PDE10A: variants seen among roughly 807,000 people sequenced by gnomAD.
PDE10A encodes the protein phosphodiesterase 10A, also known as cAMP and cAMP-inhibited cGMP 3',5'-cyclic phosphodiesterase 10A.
Under a neutral mutation model 97.7 loss-of-function variants are expected in PDE10A, and 39 were observed. The observed-to-expected ratio is 0.40, with a 90% CI of 0.31 to 0.52. The LOEUF (loss-of-function observed/expected upper bound fraction) is 0.52. Among genes scored for constraint, PDE10A ranks in the 20% least tolerant of loss-of-function variants. The pLI is 0.56. For missense variants in PDE10A, 731 were observed against 1,047.8 expected (o/e 0.70, Z 4.17); for synonymous variants, 371 against 376.8 (o/e 0.98, Z 0.18).
chr6:165,888,827 C>G (rs1293579652), intron 1 of PDE10A, among the ~76,000 whole-genome samples: 1 of 152,146 alleles, frequency 6.6e-6, no homozygotes, highest in Non-Finnish European at 1.5e-5. Context: ...GAGGAATTCA[C>G]TAGTTGAGTA....
intron 5 of PDE10A, among the ~76,000 whole-genome samples, chr6:165,448,709 A>AACACACACACAC (rs10645551): frequency 1.1e-3 from 161 of 147,488 alleles, no homozygotes; most frequent in African/African-American, 3.7e-3. Flanking sequence ...AGCCAAAGGA[A>AACACACACACAC]ACACACACAC....
chr6:165,418,537 G>A lies in PDE10A; in HGVS notation c.1796+98C>T. ...TGGGAATGATATCACAGTATGACAA[G>A]TATTGTCAGCATACCTGTGAATAGG... On this transcript the variant is annotated intron_variant, in intron 11 of 21. Coordinates refer to ENST00000539869, the MANE Select transcript of PDE10A (RefSeq NM_001385079.1). This position sits in a 1 kb window ranked among gnomAD's most constrained non-coding sequence, Gnocchi z 4.8. 1.8e-6 allele frequency: 2 copies of A among 1,088,810 alleles called. No homozygotes were observed. Among genetic ancestry groups the A allele is most frequent in the Non-Finnish European group, 1.4e-6 (1 of 737,496 alleles). 67.4% of individuals were successfully genotyped at this position (1,088,810 alleles called of 1,614,324 possible). A position where few individuals can be genotyped will look rare whatever the true frequency, so the allele number is the denominator to read the frequency against.
intron 1 of PDE10A, among the ~76,000 whole-genome samples, chr6:165,563,690 C>A (rs573269109): frequency 6.6e-6 from 1 of 151,844 alleles, no homozygotes; most frequent in Non-Finnish European, 1.5e-5. Flanking sequence ...CAGAAGTTTA[C>A]GACCAGACTG....
chr6:165,948,108 T>TATACATATATGTAC (rs1783835933), intron 1 of PDE10A: 1 of 151,780 alleles, frequency 6.6e-6, no homozygotes, highest in African/African-American at 2.4e-5. Context: ...TATATATACA[T>TATACATATATGTAC]ATATATATAG....
chr6:165,345,004 C>A (rs1344531925), intron 18 of PDE10A, among the ~76,000 whole-genome samples: 1 of 152,046 alleles, frequency 6.6e-6, no homozygotes, highest in Non-Finnish European at 1.5e-5. Flanking sequence ...TGGATTTGAA[C>A]TTCTAACGTA....
At chr6:165,475,019 C>T (rs995970754) in intron 3 of PDE10A, among the ~76,000 whole-genome samples, 6 of 152,120 alleles carry the variant, frequency 3.9e-5, no homozygotes, top group African/African-American at 1.4e-4. Flanking sequence ...GACCTCATCC[C>T]CTGCTACTCC....
chr6:165,429,697 T>C (rs1400098524), intron 9 of PDE10A, among the ~76,000 whole-genome samples: 1 of 152,056 alleles, frequency 6.6e-6, no homozygotes, highest in Non-Finnish European at 1.5e-5. Flanking sequence ...ATTAATTACA[T>C]GGGTCAGATA....
chr6:165,973,423 A>AAAAT (rs903815919), intron 1 of PDE10A, among the ~76,000 whole-genome samples: 1 of 147,636 alleles, frequency 6.8e-6, no homozygotes, highest in African/African-American at 2.5e-5. Context: ...CAAAAAAAAA[A>AAAAT]AAAATAAAAT....
chr6:165,975,292 C>G (rs60115028), intron 1 of PDE10A, among the ~76,000 whole-genome samples: 23,659 of 152,148 alleles, frequency 0.16, 2,465 homozygotes, highest in African/African-American at 0.3. Context: ...CACCCTAACT[C>G]AAGGGAAAAG....
At chr6:165,618,661 T>G (rs1458079941) in intron 1 of PDE10A, among the ~76,000 whole-genome samples, 1 of 152,170 alleles carries the variant, frequency 6.6e-6, no homozygotes, top group Non-Finnish European at 1.5e-5. Flanking sequence ...TAGTTGGTAC[T>G]GACATGCAAT....
intron 1 of PDE10A, among the ~76,000 whole-genome samples, chr6:165,810,553 T>G (rs991087244): frequency 6.6e-6 from 1 of 152,128 alleles, no homozygotes; most frequent in African/African-American, 2.4e-5. Flanking sequence ...ATGTGCCATG[T>G]CCCCAGCCAC....
At chr6:165,702,497 T>C (rs1016621140) in intron 1 of PDE10A, among the ~76,000 whole-genome samples, 1 of 152,202 alleles carries the variant, frequency 6.6e-6, no homozygotes, top group Admixed American at 6.5e-5. Flanking sequence ...TCCGAGGACA[T>C]GTGGGCAGTC....
intron 1 of PDE10A, among the ~76,000 whole-genome samples, chr6:165,855,709 A>G (rs552305872): frequency 6.6e-6 from 1 of 152,060 alleles, no homozygotes; most frequent in South Asian, 2.1e-4. Flanking sequence ...GTGGCCATGA[A>G]CACACCTAAA....
intron 18 of PDE10A, among the ~76,000 whole-genome samples, chr6:165,350,220 G>A (rs1782606028): frequency 1.3e-5 from 2 of 152,194 alleles, no homozygotes; most frequent in African/African-American, 4.8e-5. Context: ...GAGCCACAGG[G>A]GCAGAGCTTC....
chr6:165,723,957 G>A (rs1034686839), intron 1 of PDE10A, among the ~76,000 whole-genome samples: 3 of 152,064 alleles, frequency 2.0e-5, no homozygotes, highest in Admixed American at 6.5e-5. Context: ...TGAGAAGTGC[G>A]CGTCACAGGT....
intron 1 of PDE10A, among the ~76,000 whole-genome samples, chr6:165,763,542 C>T (rs1433489840): frequency 1.3e-5 from 2 of 152,132 alleles, no homozygotes; most frequent in East Asian, 1.9e-4. Flanking sequence ...AGGCTGGTCT[C>T]GAACTCCTGA....
At chr6:165,737,712 A>T (rs1792613356) in intron 1 of PDE10A, among the ~76,000 whole-genome samples, 1 of 152,216 alleles carries the variant, frequency 6.6e-6, no homozygotes, top group African/African-American at 2.4e-5. Flanking sequence ...AGTGGTGAAA[A>T]GCAGAAAGAT....
chr6:165,521,123 T>C (rs1051650778), intron 2 of PDE10A, among the ~76,000 whole-genome samples: 2 of 152,208 alleles, frequency 1.3e-5, no homozygotes, highest in Admixed American at 1.3e-4. Flanking sequence ...ATATCTGTTA[T>C]AGTGATCTGT....
chr6:165,603,550 T>TA (rs1787068364), intron 1 of PDE10A, among the ~76,000 whole-genome samples: 1 of 152,226 alleles, frequency 6.6e-6, no homozygotes, highest in Non-Finnish European at 1.5e-5. Context: ...GTTCTTAAGA[T>TA]ACACTGTTAT....
Sources: allele counts gnomAD v4.1 joint callset (sites outside exome capture counted in the v4.1 genomes callset), GRCh38; gene constraint gnomAD v4.1.1; non-coding constraint Gnocchi (gnomAD v3.1); transcripts MANE v1.5; gene names NCBI Gene and HGNC (gene_info 2026-07-23, HGNC 2026-07-21).